The following PARD6B variants were observed in gnomAD, a reference collection of about 807,000 sequenced individuals.
The protein encoded by PARD6B is par-6 family cell polarity regulator beta.
In PARD6B, 4 loss-of-function variants were observed where a neutral mutation model predicts 10.5. The observed-to-expected ratio is 0.38, with a 90% CI of 0.19 to 0.87. The LOEUF (loss-of-function observed/expected upper bound fraction) is 0.87. PARD6B is among the 40% of genes least tolerant of loss of function. PARD6B has a pLI of 0.41. For synonymous variants in PARD6B, 169 were observed against 170.4 expected, an observed-to-expected ratio of 0.99 and a Z score of 0.07; for missense variants, 396 against 470.6, an observed-to-expected ratio of 0.84 and a Z score of 1.47.
intron 2 of PARD6B, among the ~76,000 whole-genome samples, chr20:50,741,842 G>A (rs774215567): frequency 2.6e-5 from 4 of 151,992 alleles, no homozygotes; most frequent in Non-Finnish European, 5.9e-5. Flanking sequence ...CACCGCGCCC[G>A]GCCGCACTCT....
chr20:50,753,384 C>T lies in PARD6B; in HGVS notation c.*2896C>T, dbSNP rs187516081. On this transcript the variant is annotated 3_prime_UTR_variant, in exon 3 of 3. Coordinates refer to ENST00000371610, the MANE Select transcript of PARD6B (RefSeq NM_032521.3). ...CATTGGTAGGCTGAATCAATTATTT[C>T]AAGTGCACCTTATTAACAAAAGTAT... The T allele has an allele frequency of 1.0e-5, 10 of 985,004 alleles. No homozygotes were observed. The highest frequency in any genetic ancestry group is 1.2e-4 in the Admixed American group (2 of 16,278). 61.0% of individuals were successfully genotyped at this position (985,004 alleles called of 1,614,324 possible).
Position 50,738,043 on chromosome 20 carries a change from G to A in PARD6B, c.253G>A (p.Ala85Thr), listed in dbSNP as rs2087509727. The A allele has an allele frequency of 6.2e-7, 1 of 1,610,712 alleles. No homozygotes were observed. The highest frequency in any genetic ancestry group is 1.7e-5 in the Admixed American group (1 of 59,326). ...DDNYHKAVST[A>T]NPLLRIFIQK... is the part of the protein sequence containing the mutation. ...TAATTATCACAAAGCTGTTTCAACG[G>A]CCAATCCACTGCTTAGGATATTTAT... The change falls in exon 2 of 3, where the codon GCC becomes ACC. Residue 85 changes from alanine to threonine, a missense_variant. Coordinates refer to ENST00000371610, the MANE Select transcript of PARD6B (RefSeq NM_032521.3).
At position 50,750,220 on chromosome 20, in the gene PARD6B, T is replaced by C. The variant is rs1173763083; in HGVS notation, c.851T>C (p.Phe284Ser). Residue 284 changes from phenylalanine to serine, a missense_variant, in exon 3 of 3, where the codon TTT becomes TCT. Coordinates refer to ENST00000371610, the MANE Select transcript of PARD6B (RefSeq NM_032521.3). Reference sequence around the variant, plus strand: ...TACCCACAGCAGATTGAACCAAGCTTTGAGCCAGAGGATGAAGACAGCGAA... The same window carrying C: ...TACCCACAGCAGATTGAACCAAGCTCTGAGCCAGAGGATGAAGACAGCGAA... ...LGYPQQIEPSFEPEDEDSEED... is the reference protein window; with the variant it reads ...LGYPQQIEPSSEPEDEDSEED... The C allele has an allele frequency of 6.2e-7, 1 of 1,614,146 alleles. No individual in the cohort carries two copies. The highest frequency in any genetic ancestry group is 1.7e-5 in the Admixed American group (1 of 60,018).
In PARD6B at chr20:50,752,153, C is replaced by T; in HGVS notation, c.*1665C>T. On this transcript the variant is annotated 3_prime_UTR_variant, in exon 3 of 3. Coordinates refer to ENST00000371610, the MANE Select transcript of PARD6B (RefSeq NM_032521.3). ...TGACTTTGGAAATATGGAAGTCTCTCCTTTAACCTATTCTTGTTCCCATTC... is the reference window on the plus strand; with the variant it reads ...TGACTTTGGAAATATGGAAGTCTCTTCTTTAACCTATTCTTGTTCCCATTC... The T allele has an allele frequency of 3.0e-6, 3 of 985,560 alleles. No individual in the cohort carries two copies. Among genetic ancestry groups the T allele is most frequent in the Middle Eastern group, 5.2e-4 (1 of 1,914 alleles). The allele number at this position is 985,560 out of a possible 1,614,324, so 61.1% of individuals were successfully genotyped here.
rs2123709488 is a variant in PARD6B, at chr20:50,750,947, TATTTTG to T, written c.*465_*470del. ...TAAAGGTCTCATGTTCCCAATATTT[TATTTTG>T]ATTTTTTTTTTTTTTTTTTTTTTTT... On this transcript the variant is annotated 3_prime_UTR_variant, in exon 3 of 3. Transcript: ENST00000371610. 2.2e-6 allele frequency: 2 copies of T among 894,164 alleles called. No individual in the cohort carries two copies. The highest frequency in any genetic ancestry group is 2.7e-6 in the Non-Finnish European group (2 of 751,384). The allele number at this position is 894,164 out of a possible 1,614,324, so 55.4% of individuals were successfully genotyped here.
chr20:50,736,807 T>C (rs1347970301), intron 1 of PARD6B, among the ~76,000 whole-genome samples: 3 of 151,200 alleles, frequency 2.0e-5, no homozygotes, highest in Admixed American at 6.6e-5. Flanking sequence ...TTCAAGAGAG[T>C]CTCCTGCCTC....
intron 1 of PARD6B, among the ~76,000 whole-genome samples, chr20:50,735,528 G>T (rs939869367): frequency 8.5e-5 from 13 of 152,212 alleles, no homozygotes; most frequent in African/African-American, 3.1e-4. Context: ...GGCAAACTAG[G>T]CTATGAAACA....
In PARD6B at chr20:50,749,644, TTTA is replaced by T. The variant is rs1317205942; in HGVS notation, c.290-12_290-10del. 1 of 1,544,282 alleles carries T rather than the reference TTTA, an allele frequency of 6.5e-7. No homozygotes were observed. Among genetic ancestry groups the T allele is most frequent in the Non-Finnish European group, 8.7e-7 (1 of 1,149,558 alleles). ...TACAGCATTTCTATAATTATTTTGT[TTTA>T]TTTTTAAACAGAAGAAGCAGACTAC... On this transcript the variant is annotated splice_polypyrimidine_tract_variant and intron_variant, in intron 2 of 2. Coordinates refer to ENST00000371610, the MANE Select transcript of PARD6B (RefSeq NM_032521.3).
intron 1 of PARD6B, among the ~76,000 whole-genome samples, chr20:50,736,571 AC>A (rs139531249): frequency 1.3e-5 from 2 of 152,256 alleles, no homozygotes; most frequent in African/African-American, 4.8e-5. Flanking sequence ...TGACTGGGAC[AC>A]TTTTTGAGGA....
chr20:50,745,411 C>CA (rs11484143), intron 2 of PARD6B, among the ~76,000 whole-genome samples: 28,851 of 117,064 alleles, frequency 0.25, 2,906 homozygotes, highest in African/African-American at 0.31. Context: ...AACTCCGTCT[C>CA]AAAAAAAAAA....
At position 50,750,948 on chromosome 20, in the gene PARD6B, ATTTTGATTTTTTTTTTTTTTTTT is replaced by A. The variant is rs1189120737; in HGVS notation, c.*465_*487del. On this transcript the variant is annotated 3_prime_UTR_variant, in exon 3 of 3. Coordinates refer to ENST00000371610, the MANE Select transcript of PARD6B (RefSeq NM_032521.3). ...AAAGGTCTCATGTTCCCAATATTTT[ATTTTGATTTTTTTTTTTTTTTTT>A]TTTTTTTTTTTTTTTAGTGACTGGG... 5 of 315,508 alleles carry A rather than the reference ATTTTGATTTTTTTTTTTTTTTTT, an allele frequency of 1.6e-5. No individual in the cohort carries two copies. The highest frequency in any genetic ancestry group is 1.9e-5 in the Non-Finnish European group (5 of 265,892). The allele number at this position is 315,508 out of a possible 1,614,324, so 19.5% of individuals were successfully genotyped here. A position where few individuals can be genotyped will look rare whatever the true frequency, so the allele number is the denominator to read the frequency against.
At chr20:50,743,489 ATT>A (rs1360967002) in intron 2 of PARD6B, among the ~76,000 whole-genome samples, 2 of 152,150 alleles carry the variant, frequency 1.3e-5, no homozygotes, top group Non-Finnish European at 2.9e-5. Flanking sequence ...ATTGGACATT[ATT>A]TTGTAGGTGT....
chr20:50,745,928 A>AT (rs2087565458), intron 2 of PARD6B, among the ~76,000 whole-genome samples: 1 of 152,192 alleles, frequency 6.6e-6, no homozygotes. Flanking sequence ...GGATTAGAAC[A>AT]TTTTAAAACA....
rs376511763 is a variant in PARD6B, at chr20:50,740,539, CCTTT to C, written c.289+2463_289+2466del. ...TTTTAAGGGTAGTTATCTTTTATTT[CCTTT>C]CTAAGTTTTTATTTATTGGTGGTAT... On this transcript the variant is annotated intron_variant, in intron 2 of 2. Transcript: ENST00000371610. Among the ~76,000 whole-genome samples, 9 of 152,138 alleles carry C rather than the reference CCTTT, an allele frequency of 5.9e-5. No homozygotes were observed. The East Asian group carries it at 9.6e-4, about 16-fold the overall frequency.
chr20:50,749,101 T>C (rs1454860325), intron 2 of PARD6B, among the ~76,000 whole-genome samples: 2 of 152,284 alleles, frequency 1.3e-5, no homozygotes, highest in East Asian at 3.9e-4. Flanking sequence ...TCCAGCACTT[T>C]GGGAGGCCGA....
At chr20:50,732,301 A>ATT (rs2087475955) in intron 1 of PARD6B, among the ~76,000 whole-genome samples, 2 of 152,196 alleles carry the variant, frequency 1.3e-5, no homozygotes, top group Non-Finnish European at 2.9e-5. Context: ...AGCCCAGTGA[A>ATT]CTAAACAGCC....
chr20:50,752,738 T>C lies in PARD6B; in HGVS notation c.*2250T>C. On this transcript the variant is annotated 3_prime_UTR_variant, in exon 3 of 3. Transcript: ENST00000371610. ...TTTGAAGGATGTTTTCTCTATATGGTAAAATATATATGAAGAAGTCTTGAT... is the reference window on the plus strand; with the variant it reads ...TTTGAAGGATGTTTTCTCTATATGGCAAAATATATATGAAGAAGTCTTGAT... The C allele has an allele frequency of 1.0e-6, 1 of 982,122 alleles. No individual in the cohort carries two copies. The allele number at this position is 982,122 out of a possible 1,614,324, so 60.8% of individuals were successfully genotyped here.
intron 1 of PARD6B, among the ~76,000 whole-genome samples, chr20:50,734,297 C>A (rs2087487637): frequency 6.6e-6 from 1 of 151,858 alleles, no homozygotes; most frequent in Non-Finnish European, 1.5e-5. Context: ...GATACCACAG[C>A]TTTTTACAAA....
At chr20:50,749,446 T>C (rs1265928158) in intron 2 of PARD6B, among the ~76,000 whole-genome samples, 1 of 152,184 alleles carries the variant, frequency 6.6e-6, no homozygotes, top group Non-Finnish European at 1.5e-5. Flanking sequence ...TTGGTTTATT[T>C]TGTGATGTGT....
Sources: gnomAD v4.1 joint callset for allele counts (sites outside exome capture counted in the v4.1 genomes callset) on GRCh38, gnomAD v4.1.1 for gene constraint, MANE v1.5 for transcripts, NCBI Gene and HGNC (gene_info 2026-07-23, HGNC 2026-07-21) for gene names.